The following CDKAL1 variants were observed in gnomAD, a reference collection of about 807,000 sequenced individuals.
CDKAL1 encodes the protein threonylcarbamoyladenosine tRNA methylthiotransferase.
A neutral mutation model predicts 68.2 loss-of-function variants in CDKAL1; 32 were observed. The observed-to-expected ratio is 0.47, with a 90% CI of 0.35 to 0.63. CDKAL1 has a LOEUF of 0.63. CDKAL1 is among the 30% of genes least tolerant of loss of function. The pLI is 0.00. For synonymous variants in CDKAL1, 234 were observed against 244.3 expected, an observed-to-expected ratio of 0.96 and a Z score of 0.39; for missense variants, 606 against 696.7, an observed-to-expected ratio of 0.87 and a Z score of 1.47.
chr6:21,228,725 T>C (rs948243884), intron 15 of CDKAL1, among the ~76,000 whole-genome samples: 1 of 152,214 alleles, frequency 6.6e-6, no homozygotes, highest in Non-Finnish European at 1.5e-5. Context: ...CTCGCTGCTT[T>C]TGAGGAACTC....
intron 4 of CDKAL1, 23 bp from the exon 5 acceptor site, chr6:20,649,270 T>C: frequency 6.5e-7 from 1 of 1,541,038 alleles, no homozygotes; most frequent in East Asian, 2.3e-5. Context: ...CTTACTTCTT[T>C]TTTGTGTTCA....
chr6:21,205,795 T>G (rs1445641715), intron 15 of CDKAL1, among the ~76,000 whole-genome samples: 6 of 148,746 alleles, frequency 4.0e-5, no homozygotes, highest in African/African-American at 1.2e-4. Flanking sequence ...CCTCCCAAAG[T>G]GCTGGGATTA....
intron 9 of CDKAL1, among the ~76,000 whole-genome samples, chr6:20,873,484 G>A (rs567370991): frequency 1.3e-5 from 2 of 152,234 alleles, no homozygotes; most frequent in East Asian, 1.9e-4. Flanking sequence ...ACCTTACTGA[G>A]TATGTATGTA....
chr6:20,889,548 A>T (rs1418653543), intron 9 of CDKAL1, among the ~76,000 whole-genome samples: 1 of 152,056 alleles, frequency 6.6e-6, no homozygotes, highest in Non-Finnish European at 1.5e-5. Flanking sequence ...TAATTTTTGT[A>T]TAAGGTGTAA....
intron 5 of CDKAL1, among the ~76,000 whole-genome samples, chr6:20,702,779 G>C (rs1467157450): frequency 6.6e-6 from 1 of 152,202 alleles, no homozygotes; most frequent in African/African-American, 2.4e-5. Context: ...CTTGGGAAAT[G>C]TAACATTTGG....
intron 4 of CDKAL1, among the ~76,000 whole-genome samples, chr6:20,625,303 A>G (rs1254047471): frequency 1.3e-5 from 2 of 152,112 alleles, no homozygotes; most frequent in Non-Finnish European, 2.9e-5. Flanking sequence ...TTATCTATCA[A>G]ATATAAAAAA....
chr6:20,801,660 C>T (rs1007054936), intron 8 of CDKAL1, among the ~76,000 whole-genome samples: 26 of 152,066 alleles, frequency 1.7e-4, no homozygotes, highest in African/African-American at 5.6e-4. Context: ...GGCTGAGTTT[C>T]GACAAATGCG....
chr6:20,760,796 A>C (rs1244436546), intron 7 of CDKAL1, among the ~76,000 whole-genome samples: 1 of 152,242 alleles, frequency 6.6e-6, no homozygotes, highest in Non-Finnish European at 1.5e-5. Context: ...ATTTTTTAAA[A>C]AAATTAATGA....
At chr6:20,899,846 A>G (rs1374764757) in intron 9 of CDKAL1, among the ~76,000 whole-genome samples, 1 of 152,196 alleles carries the variant, frequency 6.6e-6, no homozygotes, top group East Asian at 1.9e-4. Flanking sequence ...CCGTCTCAAA[A>G]AAACATTTAA....
intron 5 of CDKAL1, among the ~76,000 whole-genome samples, chr6:20,719,414 C>T (rs1295469130): frequency 1.3e-5 from 2 of 152,124 alleles, no homozygotes; most frequent in Non-Finnish European, 2.9e-5. Flanking sequence ...AGTTTTGTTT[C>T]TACTAATACG....
intron 13 of CDKAL1, among the ~76,000 whole-genome samples, chr6:21,168,747 C>CT (rs1777250620): frequency 6.6e-6 from 1 of 152,184 alleles, no homozygotes; most frequent in Non-Finnish European, 1.5e-5. Context: ...TACCAGTTTT[C>CT]TTTTAGGTAA....
intron 4 of CDKAL1, among the ~76,000 whole-genome samples, chr6:20,594,744 C>T (rs1191635038): frequency 6.6e-6 from 1 of 152,138 alleles, no homozygotes; most frequent in African/African-American, 2.4e-5. Flanking sequence ...GGTTATTTTG[C>T]CCATTAGTTG....
chr6:20,587,419 T>C (rs1250386738), intron 4 of CDKAL1, among the ~76,000 whole-genome samples: 1 of 152,138 alleles, frequency 6.6e-6, no homozygotes, highest in African/African-American at 2.4e-5. Flanking sequence ...GTTTATATGA[T>C]AATCTTGAAC....
chr6:20,955,581 T>G lies in CDKAL1; in HGVS notation c.905T>G (p.Leu302Arg). Residue 302 changes from leucine (L) to arginine (R), a missense_variant, in exon 10 of 16, where the codon CTG becomes CGG. Transcript: ENST00000274695. ...MTNPPYILEHLEEMAKILNHP... is the reference protein window; with the variant it reads ...MTNPPYILEHREEMAKILNHP... ...AATCCGCCCTATATTTTAGAGCATCTGGAGGTAAGGAAAAGCACCCTATTT... is the reference window on the plus strand; with the variant it reads ...AATCCGCCCTATATTTTAGAGCATCGGGAGGTAAGGAAAAGCACCCTATTT... The G allele has an allele frequency of 6.2e-7, 1 of 1,613,964 alleles. No homozygotes were observed. The highest frequency in any genetic ancestry group is 8.5e-7 in the Non-Finnish European group (1 of 1,179,912).
intron 4 of CDKAL1, among the ~76,000 whole-genome samples, chr6:20,625,260 G>T (rs9465838): frequency 0.9 from 136,453 of 152,132 alleles, 61,404 homozygotes; most frequent in African/African-American, 0.97. Context: ...TTGAGTAGAT[G>T]ATAAAACTCT....
In CDKAL1 at chr6:21,203,215, A is replaced by ATTTTTTTT. The variant is rs371165972; in HGVS notation, c.1548+1971_1548+1978dup. ...TAGGCATGCACCACCATCCTGGCTA[A>ATTTTTTTT]TTTTTTTTTTTTTTTTTTTTTTTTT... On this transcript the variant is annotated intron_variant, in intron 15 of 15. Coordinates refer to ENST00000274695, the MANE Select transcript of CDKAL1 (RefSeq NM_017774.3). Among the ~76,000 whole-genome samples the ATTTTTTTT allele has an allele frequency of 3.0e-4, 14 of 47,124 alleles. 2 individuals carry two copies. Among genetic ancestry groups the ATTTTTTTT allele is most frequent in the Non-Finnish European group, 4.2e-4 (11 of 26,136 alleles). 30.9% of individuals were successfully genotyped at this position (47,124 alleles called of 152,430 possible). A position where few individuals can be genotyped will look rare whatever the true frequency, so the allele number is the denominator to read the frequency against.
chr6:21,227,846 C>A (rs1243215233), intron 15 of CDKAL1, among the ~76,000 whole-genome samples: 1 of 152,198 alleles, frequency 6.6e-6, no homozygotes, highest in Non-Finnish European at 1.5e-5. Context: ...AATTTTATGG[C>A]AGATGAGTTG....
chr6:20,831,878 C>T (rs1356995204), intron 8 of CDKAL1, among the ~76,000 whole-genome samples: 1 of 152,162 alleles, frequency 6.6e-6, no homozygotes, highest in Non-Finnish European at 1.5e-5. Flanking sequence ...ACGTTGAGTT[C>T]TTCGGCATCT....
chr6:20,828,634 A>C (rs1225236585), intron 8 of CDKAL1, among the ~76,000 whole-genome samples: 3 of 152,144 alleles, frequency 2.0e-5, no homozygotes, highest in Non-Finnish European at 4.4e-5. Context: ...ATAGAATTAT[A>C]TTTTCCTCTT....
Sources: allele counts gnomAD v4.1 joint callset (sites outside exome capture counted in the v4.1 genomes callset), GRCh38; gene constraint gnomAD v4.1.1; transcripts MANE v1.5; gene names NCBI Gene and HGNC (gene_info 2026-07-23, HGNC 2026-07-21).